LYST: variants seen among roughly 807,000 people sequenced by gnomAD.
LYST encodes lysosomal-trafficking regulator.
A neutral mutation model predicts 413.6 loss-of-function variants in LYST; 192 were observed. The observed-to-expected ratio is 0.46, with a 90% confidence interval of 0.41 to 0.52. The LOEUF (loss-of-function observed/expected upper bound fraction) is 0.52. Among genes scored for constraint, LYST ranks in the 20% least tolerant of loss-of-function variants. LYST has a pLI of 0.00. For missense variants in LYST, 3,815 were observed against 4,499.9 expected, an observed-to-expected ratio of 0.85 and a Z score of 4.35; for synonymous variants, 1,525 against 1,567.3, an observed-to-expected ratio of 0.97 and a Z score of 0.64.
chr1:235,803,747 C>T (rs1672504357), intron 7 of LYST, among the ~76,000 whole-genome samples: 1 of 152,042 alleles, frequency 6.6e-6, no homozygotes, highest in African/African-American at 2.4e-5. Context: ...TACAGTTAGT[C>T]AATTAATTCA....
At chr1:235,778,838 C>A (rs1182977605) in intron 16 of LYST, among the ~76,000 whole-genome samples, 1 of 151,884 alleles carries the variant, frequency 6.6e-6, no homozygotes, top group Non-Finnish European at 1.5e-5. Context: ...TGACGTTGCA[C>A]CCTGACATGA....
In LYST at chr1:235,787,082, A is replaced by G; in HGVS notation, c.4862+118T>C. 3 of 749,944 alleles carry G rather than the reference A, an allele frequency of 4.0e-6. No individual in the cohort carries two copies. In the East Asian group the frequency reaches 8.2e-5, roughly 20 times the overall value. 46.5% of individuals were successfully genotyped at this position (749,944 alleles called of 1,614,324 possible). A position where few individuals can be genotyped will look rare whatever the true frequency, so the allele number is the denominator to read the frequency against. On this transcript the variant is annotated intron_variant, in intron 14 of 52. Transcript: ENST00000389793. ...AAAAGAAACAACAAAAAATATAGTA[A>G]ATTTTATTATAGTAAAAACCTAGAA... is the stretch of plus-strand genomic sequence containing the variant.
intron 1 of LYST, among the ~76,000 whole-genome samples, chr1:235,880,845 G>T (rs1681344861): frequency 6.6e-6 from 1 of 152,154 alleles, no homozygotes; most frequent in African/African-American, 2.4e-5. Flanking sequence ...CCATTTAGCG[G>T]CCGGGCACGG....
At chr1:235,749,153 T>C (rs540597251) in intron 28 of LYST, among the ~76,000 whole-genome samples, 1 of 152,292 alleles carries the variant, frequency 6.6e-6, no homozygotes, top group East Asian at 1.9e-4. Flanking sequence ...CTTGAATTAG[T>C]TTTTGTAACC....
At position 235,857,671 on chromosome 1, in the gene LYST, G is replaced by A. The variant is rs567837520; in HGVS notation, c.-98+9172C>T. Among the ~76,000 whole-genome samples, 13 of 151,372 alleles carry A rather than the reference G, an allele frequency of 8.6e-5. No homozygotes were observed. In the South Asian group the frequency reaches 2.7e-3, roughly 32 times the overall value. On this transcript the variant is annotated intron_variant, in intron 1 of 52. Coordinates refer to ENST00000389793, the MANE Select transcript of LYST (RefSeq NM_000081.4). Reference sequence around the variant, plus strand: ...AAAAGAGGGGGGTGTGTCTGTGGGTGTGTGTGCGCGTGTGCACACAGGTGT... The same window carrying A: ...AAAAGAGGGGGGTGTGTCTGTGGGTATGTGTGCGCGTGTGCACACAGGTGT...
intron 30 of LYST, 120 bp from the exon 31 acceptor site, chr1:235,741,748 G>T: frequency 1.3e-6 from 1 of 757,168 alleles, no homozygotes; most frequent in Non-Finnish European, 2.3e-6. Flanking sequence ...GGTTTTAATA[G>T]TCAAAATTAG....
rs377388449 is a variant in LYST at position 235,691,208 on chromosome 1, G to A, written c.10701+2142C>T. On this transcript the variant is annotated intron_variant, in intron 47 of 52. Transcript: ENST00000389793. Reference sequence around the variant, plus strand: ...GCTGGGATAACAGGCTTGAGCCACCGCGCCTGGCTACAGTTTACAAGTTTC... The same window carrying A: ...GCTGGGATAACAGGCTTGAGCCACCACGCCTGGCTACAGTTTACAAGTTTC... 9.7e-4 allele frequency among the ~76,000 whole-genome samples: 147 copies of A among 152,206 alleles called. 1 individual carries two copies. Among genetic ancestry groups the A allele is most frequent in the Middle Eastern group, 6.8e-3 (2 of 294 alleles).
intron 1 of LYST, among the ~76,000 whole-genome samples, chr1:235,849,595 T>C (rs1318547197): frequency 6.6e-6 from 1 of 151,964 alleles, no homozygotes; most frequent in African/African-American, 2.4e-5. Flanking sequence ...TTGCTGATGA[T>C]ATGATTGTTT....
intron 40 of LYST, among the ~76,000 whole-genome samples, chr1:235,717,103 C>T (rs1473640361): frequency 6.6e-6 from 1 of 152,168 alleles, no homozygotes; most frequent in African/African-American, 2.4e-5. Flanking sequence ...CTCGTGGGAG[C>T]AGATTCCTAG....
intron 2 of LYST, among the ~76,000 whole-genome samples, chr1:235,831,532 GGATACAAAGAGAAGTA>G (rs1469134031): frequency 6.6e-6 from 1 of 151,978 alleles, no homozygotes; most frequent in Non-Finnish European, 1.5e-5. Context: ...TGAACCAACG[GGATACAAAGAGAAGTA>G]GATAAAAATG....
At chr1:235,717,375 C>A (rs912214540) in intron 40 of LYST, among the ~76,000 whole-genome samples, 1 of 152,154 alleles carries the variant, frequency 6.6e-6, no homozygotes, top group African/African-American at 2.4e-5. Context: ...TGTATGCATG[C>A]GTACAAATCT....
intron 16 of LYST, 134 bp from the exon 17 acceptor site, chr1:235,777,442 A>C (rs1669386653): frequency 1.4e-6 from 1 of 721,900 alleles, no homozygotes; most frequent in Admixed American, 2.3e-5. Context: ...CAGCTACTAC[A>C]CTAAACAGAT....
intron 4 of LYST, among the ~76,000 whole-genome samples, chr1:235,812,104 A>G (rs1673509056): frequency 6.6e-6 from 1 of 152,212 alleles, no homozygotes; most frequent in Non-Finnish European, 1.5e-5. Context: ...AAACATTTAA[A>G]GTTTCATGTA....
At position 235,686,413 on chromosome 1, in the gene LYST, T is replaced by C. The variant is rs1456800785; in HGVS notation, c.10800+536A>G. Among the ~76,000 whole-genome samples the C allele has an allele frequency of 1.3e-5, 2 of 152,058 alleles. No individual in the cohort carries two copies. The highest frequency in any genetic ancestry group is 2.9e-5 in the Non-Finnish European group (2 of 67,986). On this transcript the variant is annotated intron_variant, in intron 48 of 52. Coordinates refer to ENST00000389793, the MANE Select transcript of LYST (RefSeq NM_000081.4). This position sits in a 1 kb window ranked among gnomAD's most constrained non-coding sequence, Gnocchi z 4.0. ...ACAAAACAAAACCCCCCAAAAACAG[T>C]AAATTAAAAGAAGCATTGCATAATC...
chr1:235,673,710 C>T (rs549185007), intron 50 of LYST, among the ~76,000 whole-genome samples: 3 of 152,294 alleles, frequency 2.0e-5, no homozygotes, highest in African/African-American at 4.8e-5. Context: ...CTTTGAAATG[C>T]GCTTTGTTTC....
chr1:235,709,097 A>T lies in LYST; in HGVS notation c.10137T>A (p.His3379Gln), dbSNP rs1662206159. 1 of 1,613,824 alleles carries T rather than the reference A, an allele frequency of 6.2e-7. No individual in the cohort carries two copies. Among genetic ancestry groups the T allele is most frequent in the Non-Finnish European group, 8.5e-7 (1 of 1,179,690 alleles). Residue 3379 changes from histidine (H) to glutamine (Q), a missense_variant, in exon 44 of 53, where the codon CAT (histidine) becomes CAA (glutamine). By Grantham distance (24) the His-to-Gln change is conservative (BLOSUM62 0). Transcript: ENST00000389793. ...TTTTAAAAGAGTCACTTACAGCAGG[A>T]TGAAAAACATTGATCGCTTGAACAG... Reference protein sequence around the residue: ...KASVQAINVFHPATYFGMDVS... With the variant: ...KASVQAINVFQPATYFGMDVS...
intron 1 of LYST, among the ~76,000 whole-genome samples, chr1:235,846,503 A>G (rs189642441): frequency 6.6e-6 from 1 of 152,286 alleles, no homozygotes; most frequent in Non-Finnish European, 1.5e-5. Context: ...TTCACCAGCA[A>G]TAGATCCAAA....
intron 28 of LYST, among the ~76,000 whole-genome samples, chr1:235,749,812 G>A (rs922361290): frequency 6.6e-6 from 1 of 152,106 alleles, no homozygotes; most frequent in African/African-American, 2.4e-5. Flanking sequence ...AGTTACGTAG[G>A]GCTCTAAGGC....
intron 40 of LYST, among the ~76,000 whole-genome samples, chr1:235,717,240 A>T (rs1662926097): frequency 6.6e-6 from 1 of 152,214 alleles, no homozygotes; most frequent in Non-Finnish European, 1.5e-5. Flanking sequence ...CTAGTTAGTT[A>T]AAACTGAAGA....
Sources: gnomAD v4.1 joint callset for allele counts (sites outside exome capture counted in the v4.1 genomes callset) on GRCh38, gnomAD v4.1.1 for gene constraint, Gnocchi (gnomAD v3.1) non-coding constraint, MANE v1.5 for transcripts, NCBI Gene and HGNC (gene_info 2026-07-23, HGNC 2026-07-21) for gene names.